CEMIP: variants seen among roughly 807,000 people sequenced by gnomAD.
The protein encoded by CEMIP is cell migration inducing hyaluronidase 1.
In CEMIP, 105 loss-of-function variants were observed where a neutral mutation model predicts 156.9. The observed-to-expected ratio is 0.67, with a 90% CI of 0.57 to 0.79. CEMIP has a LOEUF of 0.79. CEMIP is among the 30% of genes least tolerant of loss of function. The pLI is 0.00. For missense variants in CEMIP, 1,457 were observed against 1,769.4 expected (o/e 0.82, Z 3.17); for synonymous variants, 676 against 668.4 (o/e 1.01, Z -0.17).
intron 12 of CEMIP, among the ~76,000 whole-genome samples, chr15:80,901,570 C>A (rs1899552984): frequency 6.6e-6 from 1 of 151,988 alleles, no homozygotes; most frequent in Non-Finnish European, 1.5e-5. Context: ...GGTGTGGTGG[C>A]AGGCACCTGT....
At chr15:80,908,695 C>T (rs1270573421) in intron 13 of CEMIP, among the ~76,000 whole-genome samples, 1 of 152,174 alleles carries the variant, frequency 6.6e-6, no homozygotes, top group Non-Finnish European at 1.5e-5. Context: ...CCATACTTCA[C>T]TGTAACCTGG....
chr15:80,881,655 A>G (rs1898664550), intron 6 of CEMIP, among the ~76,000 whole-genome samples: 1 of 152,204 alleles, frequency 6.6e-6, no homozygotes, highest in African/African-American at 2.4e-5. Flanking sequence ...GGAGTTACAA[A>G]TGGGGGCGGG....
At position 80,873,670 on chromosome 15, in the gene CEMIP, G is replaced by C; in HGVS notation, c.-43G>C. The stretch of plus-strand genomic sequence containing the variant: ...TTCATGCCCCGATCTGCCTGGCCTT[G>C]AGTTGTGGCAGCTGGGGAAGCCACT... On this transcript the variant is annotated 5_prime_UTR_variant, in exon 2 of 30. The change abolishes the stop of an existing upstream ORF in the 5' untranslated region. Coordinates refer to ENST00000394685, the MANE Select transcript of CEMIP (RefSeq NM_001293298.2). 1 of 583,754 alleles carries C rather than the reference G, an allele frequency of 1.7e-6. No homozygotes were observed. The highest frequency in any genetic ancestry group is 3.1e-6 in the Non-Finnish European group (1 of 320,950). 36.2% of individuals were successfully genotyped at this position (583,754 alleles called of 1,614,324 possible).
At position 80,950,132 on chromosome 15, in the gene CEMIP, G is replaced by A. The variant is rs1901755619; in HGVS notation, c.*1208G>A. 6.6e-6 allele frequency: 1 copy of A among 152,260 alleles called. No individual in the cohort carries two copies. The highest frequency in any genetic ancestry group is 2.4e-5 in the African/African-American group (1 of 41,462). The allele number at this position is 152,260 out of a possible 1,614,324, so 9.4% of individuals were successfully genotyped here. A position where few individuals can be genotyped will look rare whatever the true frequency, so the allele number is the denominator to read the frequency against. On this transcript the variant is annotated 3_prime_UTR_variant, in exon 30 of 30. Transcript: ENST00000394685. ...CTTCATCCAGGGAACTGAGCACAGG[G>A]GGCCTCCAGGAGACCCTAGATGTGC...
At chr15:80,943,307 T>C (rs770774444) in intron 28 of CEMIP, among the ~76,000 whole-genome samples, 1 of 152,222 alleles carries the variant, frequency 6.6e-6, no homozygotes, top group African/African-American at 2.4e-5. Context: ...GCTGTGAATG[T>C]AGGTCAGGCG....
intron 1 of CEMIP, among the ~76,000 whole-genome samples, chr15:80,798,707 T>C (rs1248420446): frequency 6.6e-6 from 1 of 152,220 alleles, no homozygotes; most frequent in Non-Finnish European, 1.5e-5. Context: ...TATTCATATT[T>C]TTCTTATCAG....
chr15:80,833,584 G>T (rs1416271193), intron 1 of CEMIP, among the ~76,000 whole-genome samples: 1 of 151,996 alleles, frequency 6.6e-6, no homozygotes, highest in African/African-American at 2.4e-5. Context: ...AGGGCTGTGT[G>T]GGGGGCATGG....
chr15:80,843,678 G>A lies in CEMIP; in HGVS notation c.-175-29860G>A, dbSNP rs116909954. ...TAGTTCCTTCTAACCCTTTTGTGGC[G>A]TCAGTCTCAGACGGTTTCTATATGG... On this transcript the variant is annotated intron_variant, in intron 1 of 29. Coordinates refer to ENST00000394685, the MANE Select transcript of CEMIP (RefSeq NM_001293298.2). 3.4e-3 allele frequency among the ~76,000 whole-genome samples: 514 copies of A among 152,104 alleles called. 3 individuals carry two copies. Among genetic ancestry groups the A allele is most frequent in the Middle Eastern group, 6.8e-3 (2 of 294 alleles).
Position 80,949,358 on chromosome 15 carries a change from TGTA to T in CEMIP, c.*436_*438del. On this transcript the variant is annotated 3_prime_UTR_variant, in exon 30 of 30. Coordinates refer to ENST00000394685, the MANE Select transcript of CEMIP (RefSeq NM_001293298.2). ...TCAGCAGACAAGTGAGGGTGGTAAA[TGTA>T]GGAGAAAGAGCCTTGGCCTTAAGGA... The T allele has an allele frequency of 3.4e-6, 1 of 295,270 alleles. No individual in the cohort carries two copies. The highest frequency in any genetic ancestry group is 8.3e-5 in the East Asian group (1 of 12,094). The allele number at this position is 295,270 out of a possible 1,614,324, so 18.3% of individuals were successfully genotyped here.
chr15:80,894,864 G>A (rs781080963), intron 10 of CEMIP, 126 bp from the exon 11 acceptor site: 57 of 1,158,968 alleles, frequency 4.9e-5, no homozygotes, highest in African/African-American at 7.6e-5. Flanking sequence ...ATCTCGGGCC[G>A]TTGTAAATAG....
At chr15:80,875,184 C>T (rs963492484) in intron 3 of CEMIP, among the ~76,000 whole-genome samples, 5 of 151,838 alleles carry the variant, frequency 3.3e-5, no homozygotes, top group African/African-American at 1.2e-4. Flanking sequence ...CAGATGCACA[C>T]CACTATGCCT....
At chr15:80,814,043 C>CTTTTTTT (rs778309859) in intron 1 of CEMIP, among the ~76,000 whole-genome samples, 43 of 73,748 alleles carry the variant, frequency 5.8e-4, no homozygotes, top group East Asian at 1.8e-3. Flanking sequence ...AACTCTTTGG[C>CTTTTTTT]TTTTTTTTTT....
chr15:80,894,945 T>TAA (rs370268279), intron 10 of CEMIP, 45 bp from the exon 11 acceptor site: 122 of 1,261,654 alleles, frequency 9.7e-5, no homozygotes, highest in Middle Eastern at 2.0e-4. Flanking sequence ...TCCTTCTCTA[T>TAA]AAAAAAAAAA....
intron 1 of CEMIP, among the ~76,000 whole-genome samples, chr15:80,786,646 G>A (rs1451233776): frequency 2.0e-5 from 3 of 147,598 alleles, no homozygotes; most frequent in South Asian, 2.2e-4. Context: ...AATTAAAAAC[G>A]GAAATCTGGA....
intron 6 of CEMIP, among the ~76,000 whole-genome samples, 163 bp downstream of exon 6, chr15:80,881,299 C>T (rs1201058082): frequency 6.6e-6 from 1 of 152,190 alleles, no homozygotes; most frequent in Admixed American, 6.5e-5. Context: ...AGGCATTGGC[C>T]TAATGATGCT....
chr15:80,800,734 G>A (rs1242672599), intron 1 of CEMIP, among the ~76,000 whole-genome samples: 4 of 152,176 alleles, frequency 2.6e-5, no homozygotes, highest in Non-Finnish European at 5.9e-5. Context: ...TAATAGATTT[G>A]CAGGGTAATT....
intron 1 of CEMIP, among the ~76,000 whole-genome samples, chr15:80,850,835 G>A (rs1199796743): frequency 6.6e-6 from 1 of 152,218 alleles, no homozygotes; most frequent in Non-Finnish European, 1.5e-5. Context: ...GAAGGTGAAG[G>A]TGCAGAGAAT....
At chr15:80,817,729 A>G (rs2141644573) in intron 1 of CEMIP, among the ~76,000 whole-genome samples, 1 of 152,036 alleles carries the variant, frequency 6.6e-6, no homozygotes, top group Non-Finnish European at 1.5e-5. Flanking sequence ...ATGAGCGAGA[A>G]CTGCAATTTA....
At chr15:80,934,722 A>G (rs1901050950) in intron 23 of CEMIP, among the ~76,000 whole-genome samples, 3 of 152,068 alleles carry the variant, frequency 2.0e-5, no homozygotes, top group African/African-American at 7.2e-5. Flanking sequence ...AAAGGGCCAT[A>G]AGGGGCAAAG....
Sources: allele counts gnomAD v4.1 joint callset (sites outside exome capture counted in the v4.1 genomes callset), GRCh38; gene constraint gnomAD v4.1.1; transcripts MANE v1.5; gene names NCBI Gene and HGNC (gene_info 2026-07-23, HGNC 2026-07-21).